TES: variants seen among roughly 807,000 people sequenced by gnomAD.
TES encodes testin.
In TES, 41 loss-of-function variants were observed where a neutral mutation model predicts 48.2. The ratio of observed to expected loss-of-function variants is 0.85; its 90% confidence interval spans 0.66 to 1.10. The LOEUF (loss-of-function observed/expected upper bound fraction) is 1.10, where lower values mean the gene tolerates loss of function less well. TES is among the 50% of genes least tolerant of loss of function. TES has a pLI of 0.00. For missense variants in TES, 463 were observed against 515.1 expected, an observed-to-expected ratio of 0.90 and a Z score of 0.98; for synonymous variants, 162 against 174.9, an observed-to-expected ratio of 0.93 and a Z score of 0.58.
chr7:116,225,469 A>G (rs1313645214), intron 1 of TES, among the ~76,000 whole-genome samples: 1 of 152,214 alleles, frequency 6.6e-6, no homozygotes, highest in Non-Finnish European at 1.5e-5. Context: ...TACTACCTCC[A>G]GAATATATTT....
chr7:116,241,494 A>T (rs558415047), intron 2 of TES, among the ~76,000 whole-genome samples: 1 of 152,264 alleles, frequency 6.6e-6, no homozygotes, highest in Admixed American at 6.5e-5. Context: ...TTTAATGATG[A>T]CAGCTCTAGT....
chr7:116,227,485 C>T lies in TES; in HGVS notation c.28-7049C>T, dbSNP rs78355653. On this transcript the variant is annotated intron_variant, in intron 1 of 6. Coordinates refer to ENST00000358204, the MANE Select transcript of TES (RefSeq NM_015641.4). ...TTTGGAAACAGGCAATGAACTAAAA[C>T]GTTCAAATTTTAAATCTTGTGTCAG... Among the ~76,000 whole-genome samples the T allele has an allele frequency of 1.8e-3, 267 of 152,158 alleles. 7 individuals carry two copies. The East Asian group carries it at 0.042, about 24-fold the overall frequency.
At chr7:116,251,216 C>T (rs1291730230) in intron 4 of TES, among the ~76,000 whole-genome samples, 1 of 152,022 alleles carries the variant, frequency 6.6e-6, no homozygotes, top group East Asian at 1.9e-4. Context: ...GGAAATAATG[C>T]CTGTTACACA....
chr7:116,214,391 G>A (rs1430316276), intron 1 of TES, among the ~76,000 whole-genome samples: 1 of 152,146 alleles, frequency 6.6e-6, no homozygotes, highest in Non-Finnish European at 1.5e-5. Flanking sequence ...AATATATGGT[G>A]ACCTGGATGC....
intron 1 of TES, among the ~76,000 whole-genome samples, chr7:116,219,060 A>T (rs1250908067): frequency 1.3e-5 from 2 of 152,138 alleles, no homozygotes; most frequent in East Asian, 3.8e-4. Context: ...AAATACAAAC[A>T]ACTGTTATGA....
At chr7:116,250,662 G>A (rs1257586448) in intron 4 of TES, among the ~76,000 whole-genome samples, 166 bp downstream of exon 4, 1 of 152,162 alleles carries the variant, frequency 6.6e-6, no homozygotes, top group African/African-American at 2.4e-5. Context: ...GAGGGTCATC[G>A]TGTTTGAAAC....
chr7:116,246,946 C>CTTTTTTTTTTTTTTTTTTTTTTT (rs148032626), intron 2 of TES, among the ~76,000 whole-genome samples: 3 of 131,046 alleles, frequency 2.3e-5, no homozygotes, highest in Non-Finnish European at 3.2e-5. Flanking sequence ...AGACTAGGCC[C>CTTTTTTTTTTTTTTTTTTTTTTT]CTTTTTTTTT....
chr7:116,252,344 G>C lies in TES; in HGVS notation c.945G>C (p.Gln315His). 6.2e-7 allele frequency: 1 copy of C among 1,613,410 alleles called. No homozygotes were observed. Among genetic ancestry groups the C allele is most frequent in the Admixed American group, 1.7e-5 (1 of 60,012 alleles). ...DELIFSNEYT[Q>H]AENQNWHLKH... ...TGATATTCAGCAATGAGTATACCCA[G>C]GCAGAAAACCAGAATTGGCACCTGA... Residue 315 changes from glutamine to histidine, a missense_variant, in exon 6 of 7, where the codon CAG (glutamine) becomes CAC (histidine). Physicochemically the swap from Gln to His is conservative, Grantham distance 24. Transcript: ENST00000358204.
chr7:116,220,710 G>C (rs1799545475), intron 1 of TES, among the ~76,000 whole-genome samples: 2 of 152,124 alleles, frequency 1.3e-5, no homozygotes, highest in African/African-American at 4.8e-5. Flanking sequence ...CTGCATTAAA[G>C]TTGGGTATCA....
intron 1 of TES, among the ~76,000 whole-genome samples, chr7:116,227,312 C>G (rs937895918): frequency 6.6e-6 from 1 of 150,520 alleles, no homozygotes; most frequent in African/African-American, 2.4e-5. Context: ...TTAGTAGAAA[C>G]GGGGTTTCAC....
intron 2 of TES, among the ~76,000 whole-genome samples, chr7:116,242,338 G>A (rs928700834): frequency 5.9e-5 from 9 of 152,182 alleles, no homozygotes; most frequent in Non-Finnish European, 1.0e-4. Flanking sequence ...AGAACATGCT[G>A]TAGTAGGATA....
At chr7:116,255,420 G>C (rs181794068) in intron 6 of TES, among the ~76,000 whole-genome samples, 224 of 152,286 alleles carry the variant, frequency 1.5e-3, no homozygotes, top group Non-Finnish European at 2.9e-3. Flanking sequence ...AGGAATTAGG[G>C]AACAGTAGAT....
At chr7:116,220,814 A>C (rs919489608) in intron 1 of TES, among the ~76,000 whole-genome samples, 3 of 152,164 alleles carry the variant, frequency 2.0e-5, no homozygotes, top group African/African-American at 7.2e-5. Context: ...TAGTATCCTC[A>C]TCTGAAAATG....
intron 1 of TES, among the ~76,000 whole-genome samples, chr7:116,225,196 C>A (rs145145834): frequency 0.016 from 1,825 of 111,740 alleles, 29 homozygotes; most frequent in Middle Eastern, 0.025. Flanking sequence ...CATATCCTGC[C>A]AAAACTAAAA....
At chr7:116,221,071 C>T (rs1392925357) in intron 1 of TES, among the ~76,000 whole-genome samples, 2 of 151,930 alleles carry the variant, frequency 1.3e-5, no homozygotes, top group Non-Finnish European at 2.9e-5. Context: ...TTGTTGGACA[C>T]AAATATCCAT....
intron 1 of TES, among the ~76,000 whole-genome samples, chr7:116,219,979 A>G (rs1799538185): frequency 3.3e-5 from 5 of 152,136 alleles, no homozygotes; most frequent in Admixed American, 3.3e-4. Flanking sequence ...GCTTTGAAAC[A>G]TAGGCCTCTC....
intron 1 of TES, among the ~76,000 whole-genome samples, chr7:116,214,291 G>T (rs1488801639): frequency 6.6e-6 from 1 of 152,048 alleles, no homozygotes; most frequent in East Asian, 1.9e-4. Flanking sequence ...GAATACTATT[G>T]GAAAAAGGAC....
intron 2 of TES, among the ~76,000 whole-genome samples, chr7:116,236,447 T>C (rs372702094): frequency 1.3e-5 from 2 of 152,294 alleles, no homozygotes; most frequent in East Asian, 3.9e-4. Flanking sequence ...ACATAAGCTG[T>C]ATATGAAACA....
At chr7:116,235,622 A>G (rs1227171890) in intron 2 of TES, among the ~76,000 whole-genome samples, 1 of 152,200 alleles carries the variant, frequency 6.6e-6, no homozygotes, top group Non-Finnish European at 1.5e-5. Flanking sequence ...GTGCTTATGA[A>G]TGACTGTCAA....
Sources: allele counts gnomAD v4.1 joint callset (sites outside exome capture counted in the v4.1 genomes callset), GRCh38; gene constraint gnomAD v4.1.1; transcripts MANE v1.5; gene names NCBI Gene and HGNC (gene_info 2026-07-23, HGNC 2026-07-21).